The following AADACL4 variants were observed in gnomAD, a reference collection of about 807,000 sequenced individuals.
AADACL4 encodes arylacetamide deacetylase-like 4.
In AADACL4, 9 loss-of-function variants were observed where a neutral mutation model predicts 14.1. The ratio of observed to expected loss-of-function variants is 0.64; its 90% CI spans 0.39 to 1.12. The LOEUF is 1.12. Among genes scored for constraint, AADACL4 ranks in the 50% most tolerant of loss-of-function variants. The pLI is 0.01. For missense variants in AADACL4, 531 were observed against 516.1 expected (o/e 1.03, Z -0.28); for synonymous variants, 188 against 201.6 (o/e 0.93, Z 0.57).
In AADACL4 at chr1:12,663,744, T is replaced by C. The variant is rs74624838; in HGVS notation, c.449+1890T>C. ...TTCAACATTTGGTGAGGAGTATTCA[T>C]TTCTAGAAATGGGAAAATGAAAGCT... On this transcript the variant is annotated intron_variant, in intron 3 of 3. Transcript: ENST00000376221. 2.7e-3 allele frequency among the ~76,000 whole-genome samples: 410 copies of C among 152,288 alleles called. 3 individuals carry two copies. The highest frequency in any genetic ancestry group is 9.0e-3 in the African/African-American group (376 of 41,560).
chr1:12,648,052 C>T (rs1016574482), intron 1 of AADACL4, among the ~76,000 whole-genome samples: 3 of 152,086 alleles, frequency 2.0e-5, no homozygotes, highest in African/African-American at 7.2e-5. Context: ...TGCACTGCAA[C>T]CTCTGCCTCC....
At chr1:12,656,319 A>G (rs1238338064) in intron 2 of AADACL4, among the ~76,000 whole-genome samples, 1 of 152,138 alleles carries the variant, frequency 6.6e-6, no homozygotes, top group Non-Finnish European at 1.5e-5. Context: ...GCATCCCTGG[A>G]GCCCTACTGT....
intron 2 of AADACL4, among the ~76,000 whole-genome samples, chr1:12,652,017 A>C (rs984841199): frequency 1.4e-5 from 2 of 147,266 alleles, no homozygotes; most frequent in Non-Finnish European, 3.0e-5. Context: ...TTGTATTTTT[A>C]GTAGAGACGG....
chr1:12,652,798 A>G lies in AADACL4; in HGVS notation c.385+1459A>G, dbSNP rs79654174. Among the ~76,000 whole-genome samples, 826 of 152,300 alleles carry G rather than the reference A, an allele frequency of 5.4e-3. 9 individuals carry two copies. The highest frequency in any genetic ancestry group is 0.019 in the African/African-American group (779 of 41,566). On this transcript the variant is annotated intron_variant, in intron 2 of 3. Coordinates refer to ENST00000376221, the MANE Select transcript of AADACL4 (RefSeq NM_001013630.2). ...GGGTGTGTGTTTAACATGTTAATGAACACATAAGGAGGTCCTAGGAGAAGC... is the reference window on the plus strand; with the variant it reads ...GGGTGTGTGTTTAACATGTTAATGAGCACATAAGGAGGTCCTAGGAGAAGC...
chr1:12,650,996 C>A, intron 1 of AADACL4, 127 bp from the exon 2 acceptor site: 2 of 876,402 alleles, frequency 2.3e-6, no homozygotes. Flanking sequence ...TCCTGAAGAG[C>A]CCCCTGTACC....
chr1:12,651,860 G>T (rs1191843078), intron 2 of AADACL4, among the ~76,000 whole-genome samples: 14 of 140,950 alleles, frequency 9.9e-5, no homozygotes, highest in African/African-American at 3.6e-4. Flanking sequence ...ATGGAGTCTC[G>T]CTCTGTCGCT....
intron 3 of AADACL4, among the ~76,000 whole-genome samples, chr1:12,663,757 G>A (rs1044296732): frequency 1.3e-5 from 2 of 152,068 alleles, no homozygotes; most frequent in Admixed American, 1.3e-4. Context: ...CTAGAAATGG[G>A]AAAATGAAAG....
intron 3 of AADACL4, among the ~76,000 whole-genome samples, chr1:12,662,193 TG>T (rs1265741213): frequency 6.6e-6 from 1 of 152,084 alleles, no homozygotes; most frequent in Non-Finnish European, 1.5e-5. Context: ...AAGTGAAAAA[TG>T]TTCAAAAAAT....
intron 1 of AADACL4, among the ~76,000 whole-genome samples, chr1:12,650,367 C>T (rs1647137254): frequency 6.6e-6 from 1 of 152,180 alleles, no homozygotes; most frequent in African/African-American, 2.4e-5. Context: ...GATCACGTTG[C>T]TCTTTTTCAT....
At chr1:12,661,764 G>A (rs760020522) in intron 2 of AADACL4, 27 bp from the exon 3 acceptor site, 1 of 1,611,684 alleles carries the variant, frequency 6.2e-7, no homozygotes, top group Admixed American at 1.7e-5. Context: ...CTCATGCGCT[G>A]CTGCTCTGAG....
At chr1:12,665,014 C>T (rs1336770185) in intron 3 of AADACL4, among the ~76,000 whole-genome samples, 12 of 152,066 alleles carry the variant, frequency 7.9e-5, no homozygotes, top group Non-Finnish European at 1.3e-4. Context: ...GGTTTCCAGG[C>T]TAGCTTTCCG....
At chr1:12,647,090 A>ATT (rs201579516) in intron 1 of AADACL4, among the ~76,000 whole-genome samples, 1,553 of 128,784 alleles carry the variant, frequency 0.012, 24 homozygotes, top group Non-Finnish European at 0.019. Flanking sequence ...AAAAGTGAGG[A>ATT]TTTTTTTTTT....
At chr1:12,649,750 G>A (rs1425660253) in intron 1 of AADACL4, among the ~76,000 whole-genome samples, 1 of 152,160 alleles carries the variant, frequency 6.6e-6, no homozygotes. Context: ...CTCATCCTTG[G>A]ACTATACACA....
Position 12,649,935 on chromosome 1 carries a change from G to A in AADACL4, c.169-1188G>A, listed in dbSNP as rs189552842. Among the ~76,000 whole-genome samples, 4 of 152,290 alleles carry A rather than the reference G, an allele frequency of 2.6e-5. No individual in the cohort carries two copies. In the East Asian group the frequency reaches 5.8e-4, roughly 22 times the overall value. On this transcript the variant is annotated intron_variant, in intron 1 of 3. Coordinates refer to ENST00000376221, the MANE Select transcript of AADACL4 (RefSeq NM_001013630.2). ...AGAACACAAATTTTGCATCTTACTT[G>A]TTGAACAACCCTGGGCAAGGAACTT...
rs1647349223 is a variant in AADACL4, at chr1:12,666,763, G to A, written c.*28G>A. The A allele has an allele frequency of 6.4e-7, 1 of 1,565,994 alleles. No individual in the cohort carries two copies. The highest frequency in any genetic ancestry group is 1.2e-5 in the South Asian group (1 of 84,814). ...GTAACCCTGGGGCCCCGAGGAGGAAGGGGCAAGTATGGACTCTACCAGAAA... is the reference window on the plus strand; with the variant it reads ...GTAACCCTGGGGCCCCGAGGAGGAAAGGGCAAGTATGGACTCTACCAGAAA... On this transcript the variant is annotated 3_prime_UTR_variant, in exon 4 of 4. Transcript: ENST00000376221.
chr1:12,651,751 T>C (rs1539702), intron 2 of AADACL4, among the ~76,000 whole-genome samples: 6,413 of 151,600 alleles, frequency 0.042, 157 homozygotes, highest in Middle Eastern at 0.07. Flanking sequence ...CCTCCTTGCA[T>C]CCCAGCCTCC....
intron 2 of AADACL4, among the ~76,000 whole-genome samples, chr1:12,661,414 C>A (rs954532567): frequency 1.3e-5 from 2 of 152,198 alleles, no homozygotes; most frequent in African/African-American, 4.8e-5. Context: ...ACATCCCGTC[C>A]AACCCTTGTT....
Position 12,648,073 on chromosome 1 carries a change from C to T in AADACL4, c.169-3050C>T, listed in dbSNP as rs187740020. ...GCAACCTCTGCCTCCCAGGTTCAAG[C>T]GATTCTCCTGCCTCAGCCTCCCGAG... On this transcript the variant is annotated intron_variant, in intron 1 of 3. Transcript: ENST00000376221. 1.4e-3 allele frequency among the ~76,000 whole-genome samples: 208 copies of T among 152,198 alleles called. 1 individual carries two copies. The highest frequency in any genetic ancestry group is 4.8e-3 in the African/African-American group (201 of 41,526).
chr1:12,653,988 C>G (rs1372659356), intron 2 of AADACL4, among the ~76,000 whole-genome samples: 2 of 152,152 alleles, frequency 1.3e-5, no homozygotes, highest in African/African-American at 2.4e-5. Flanking sequence ...GATTTACAAA[C>G]ATGTGAGTCC....
Sources: allele counts gnomAD v4.1 joint callset (sites outside exome capture counted in the v4.1 genomes callset), GRCh38; gene constraint gnomAD v4.1.1; transcripts MANE v1.5; gene names NCBI Gene and HGNC (gene_info 2026-07-23, HGNC 2026-07-21).